Variants in TMTC2 observed in about 807,000 individuals in gnomAD.
TMTC2 encodes the protein transmembrane O-mannosyltransferase targeting cadherins 2, also known as protein O-mannosyl-transferase TMTC2.
Under a neutral mutation model 82.4 loss-of-function variants are expected in TMTC2, and 43 were observed. The observed-to-expected ratio is 0.52, with a 90% CI of 0.41 to 0.67. The LOEUF (loss-of-function observed/expected upper bound fraction) is 0.67. TMTC2 is among the 30% of genes least tolerant of loss of function. The pLI, the probability that TMTC2 is intolerant of heterozygous loss-of-function variation, is 0.00. For synonymous variants in TMTC2, 408 were observed against 381.9 expected, an observed-to-expected ratio of 1.07 and a Z score of -0.80; for missense variants, 919 against 1,012.4, an observed-to-expected ratio of 0.91 and a Z score of 1.25.
intron 10 of TMTC2, among the ~76,000 whole-genome samples, chr12:83,057,361 T>G (rs917612411): frequency 1.4e-4 from 21 of 152,032 alleles, no homozygotes; most frequent in Admixed American, 9.2e-4. Context: ...CGCTCTACTC[T>G]TTTCCTTTAA....
chr12:83,012,274 G>C (rs928007601), intron 8 of TMTC2, among the ~76,000 whole-genome samples: 1 of 152,020 alleles, frequency 6.6e-6, no homozygotes, highest in Admixed American at 6.6e-5. Flanking sequence ...AAAAAAATGA[G>C]AGAAGAAAAA....
chr12:82,758,969 G>C (rs544432942), intron 1 of TMTC2: 3 of 152,234 alleles, frequency 2.0e-5, no homozygotes, highest in Admixed American at 2.0e-4. Flanking sequence ...TGTCTGTATG[G>C]TGCTGTACTG....
chr12:82,790,511 G>A (rs115716797), intron 1 of TMTC2, among the ~76,000 whole-genome samples: 3,075 of 152,084 alleles, frequency 0.02, 86 homozygotes, highest in African/African-American at 0.07. Context: ...TAAATTGCTG[G>A]ACCAGACTCA....
intron 8 of TMTC2, among the ~76,000 whole-genome samples, chr12:83,025,696 C>A (rs945382036): frequency 3.3e-5 from 5 of 152,140 alleles, no homozygotes; most frequent in Middle Eastern, 3.2e-3. Context: ...TCCAGGTTAC[C>A]CACAAACTTC....
intron 4 of TMTC2, among the ~76,000 whole-genome samples, chr12:82,963,350 G>T (rs1281917577): frequency 3.3e-5 from 5 of 152,032 alleles, no homozygotes; most frequent in African/African-American, 9.6e-5. Context: ...GGGGTTGATT[G>T]AAGGATTTTA....
Position 82,831,198 on chromosome 12 carries a change from G to T in TMTC2, c.84-25812G>T, listed in dbSNP as rs139553573. On this transcript the variant is annotated intron_variant, in intron 1 of 11. Transcript: ENST00000321196. Reference sequence around the variant, plus strand: ...TAAAAATGGTTTAAACTATAATAAGGTTACTATATATCTAGAGAAAGGTGG... The same window carrying T: ...TAAAAATGGTTTAAACTATAATAAGTTTACTATATATCTAGAGAAAGGTGG... 4.4e-3 allele frequency among the ~76,000 whole-genome samples: 667 copies of T among 152,270 alleles called. 4 individuals carry two copies. The highest frequency in any genetic ancestry group is 7.6e-3 in the Non-Finnish European group (515 of 68,016).
intron 11 of TMTC2, among the ~76,000 whole-genome samples, chr12:83,121,740 C>T (rs1826950851): frequency 6.6e-6 from 1 of 152,020 alleles, no homozygotes. Flanking sequence ...CCTTTGTCTT[C>T]AGTTACCAGG....
At chr12:82,752,502 AAAAC>A (rs982185342) in intron 1 of TMTC2, among the ~76,000 whole-genome samples, 1 of 152,036 alleles carries the variant, frequency 6.6e-6, no homozygotes, top group African/African-American at 2.4e-5. Context: ...AAAACAAAAC[AAAAC>A]AAAGAATCTT....
intron 3 of TMTC2, among the ~76,000 whole-genome samples, chr12:82,899,726 AATAT>A (rs913249932): frequency 8.1e-6 from 1 of 123,348 alleles, no homozygotes; most frequent in African/African-American, 3.7e-5. Flanking sequence ...TATATATAAG[AATAT>A]ATATATGTGG....
chr12:82,687,549 C>G lies in TMTC2; in HGVS notation c.-38C>G, dbSNP rs1487503258. 6.4e-7 allele frequency: 1 copy of G among 1,574,600 alleles called. No homozygotes were observed. Among genetic ancestry groups the G allele is most frequent in the Non-Finnish European group, 8.6e-7 (1 of 1,159,798 alleles). The stretch of plus-strand genomic sequence containing the variant: ...TGTTTTTTGTTGCCGCTGCTGCCCT[C>G]GCGCTGGGAGCCGAGCCGGAGGGAA... On this transcript the variant is annotated 5_prime_UTR_variant, in exon 1 of 12. Coordinates refer to ENST00000321196, the MANE Select transcript of TMTC2 (RefSeq NM_152588.3).
At chr12:83,007,977 A>T (rs1262011005) in intron 8 of TMTC2, among the ~76,000 whole-genome samples, 1 of 152,164 alleles carries the variant, frequency 6.6e-6, no homozygotes, top group African/African-American at 2.4e-5. Context: ...TTTTGATCAG[A>T]AGTTCACTGT....
intron 3 of TMTC2, among the ~76,000 whole-genome samples, chr12:82,906,434 G>A (rs1205540730): frequency 6.6e-6 from 1 of 152,088 alleles, no homozygotes. Context: ...GGAGGCCAAG[G>A]CAGGCAGATC....
intron 11 of TMTC2, among the ~76,000 whole-genome samples, chr12:83,097,410 C>T (rs1178951591): frequency 6.6e-6 from 1 of 152,144 alleles, no homozygotes; most frequent in Non-Finnish European, 1.5e-5. Flanking sequence ...ACTCTTTGCT[C>T]CCGGCTTTAT....
At chr12:82,805,023 CAG>C (rs959765287) in intron 1 of TMTC2, among the ~76,000 whole-genome samples, 15 of 152,164 alleles carry the variant, frequency 9.9e-5, no homozygotes, top group Non-Finnish European at 2.2e-4. Flanking sequence ...ACAAAGGAGA[CAG>C]GGTCATTTAT....
At chr12:82,900,712 AAT>A (rs772208168) in intron 3 of TMTC2, among the ~76,000 whole-genome samples, 1,733 of 101,720 alleles carry the variant, frequency 0.017, 28 homozygotes, top group African/African-American at 0.052. Flanking sequence ...ATATCTCTGG[AAT>A]ATATATATAT....
At chr12:83,054,907 G>GTGTA (rs1407330217) in intron 10 of TMTC2, among the ~76,000 whole-genome samples, 2 of 152,056 alleles carry the variant, frequency 1.3e-5, no homozygotes, top group East Asian at 3.9e-4. Context: ...GCTTTTAGTT[G>GTGTA]TGTACTAAAG....
intron 1 of TMTC2, among the ~76,000 whole-genome samples, chr12:82,703,807 A>C (rs1462886816): frequency 6.6e-6 from 1 of 152,116 alleles, no homozygotes; most frequent in East Asian, 1.9e-4. Context: ...AGTTTCAATG[A>C]GTATCTTTGT....
At chr12:83,126,373 C>T (rs545184932) in intron 11 of TMTC2, among the ~76,000 whole-genome samples, 1 of 151,898 alleles carries the variant, frequency 6.6e-6, no homozygotes, top group Non-Finnish European at 1.5e-5. Context: ...ATTTGTTAGG[C>T]AAGTATACAA....
At chr12:82,834,546 G>A (rs952271756) in intron 1 of TMTC2, among the ~76,000 whole-genome samples, 5 of 152,228 alleles carry the variant, frequency 3.3e-5, no homozygotes, top group East Asian at 1.9e-4. Flanking sequence ...CAGAGTAATC[G>A]CTCTTTGCTG....
Sources: gnomAD v4.1 joint callset for allele counts (sites outside exome capture counted in the v4.1 genomes callset) on GRCh38, gnomAD v4.1.1 for gene constraint, MANE v1.5 for transcripts, NCBI Gene and HGNC (gene_info 2026-07-23, HGNC 2026-07-21) for gene names.